NBEA: variants seen among roughly 807,000 people sequenced by gnomAD.
The protein encoded by NBEA is neurobeachin.
In NBEA, 44 loss-of-function variants were observed where a neutral mutation model predicts 343.4. That is an observed-to-expected ratio of 0.13 (90% CI 0.10 to 0.16). The LOEUF (loss-of-function observed/expected upper bound fraction) is 0.16, where lower values mean the gene tolerates loss of function less well. Among genes scored for constraint, NBEA ranks in the 10% least tolerant of loss-of-function variants. NBEA has a pLI of 1.00. For missense variants in NBEA, 2,555 were observed against 3,631.3 expected (o/e 0.70, Z 7.62); for synonymous variants, 1,175 against 1,238.7 (o/e 0.95, Z 1.08).
At chr13:35,140,926 T>C (rs539795166) in intron 17 of NBEA, among the ~76,000 whole-genome samples, 1 of 152,316 alleles carries the variant, frequency 6.6e-6, no homozygotes, top group South Asian at 2.1e-4. Flanking sequence ...TCTCCCACCT[T>C]GTAGCTCCAT....
intron 11 of NBEA, among the ~76,000 whole-genome samples, chr13:35,099,334 A>G (rs1335037553): frequency 6.7e-6 from 1 of 149,878 alleles, no homozygotes; most frequent in Non-Finnish European, 1.5e-5. Context: ...AGGTAGCTGG[A>G]ACTACAGGCG....
At chr13:35,146,558 T>G (rs1318792580) in intron 18 of NBEA, among the ~76,000 whole-genome samples, 3 of 152,116 alleles carry the variant, frequency 2.0e-5, no homozygotes, top group Non-Finnish European at 4.4e-5. Context: ...CCTTTTCCAG[T>G]GGCCCTCCTG....
At chr13:35,075,789 T>G (rs918000480) in intron 10 of NBEA, among the ~76,000 whole-genome samples, 1 of 152,062 alleles carries the variant, frequency 6.6e-6, no homozygotes, top group South Asian at 2.1e-4. Flanking sequence ...ATATTCTGAT[T>G]AGCACTATTG....
At chr13:35,258,524 C>T (rs1439771492) in intron 34 of NBEA, among the ~76,000 whole-genome samples, 2 of 127,644 alleles carry the variant, frequency 1.6e-5, no homozygotes, top group Admixed American at 8.8e-5. Flanking sequence ...AAAATCTGTT[C>T]TTAATTTACT....
In NBEA at chr13:35,638,878, A is replaced by G. The variant is rs1002926505; in HGVS notation, c.7618-6991A>G. ...TTCACATTCATTTGTTAAGTCAGTT[A>G]TGTAATATCACCATTATAATTCAAC... is the stretch of plus-strand genomic sequence containing the variant. On this transcript the variant is annotated intron_variant, in intron 49 of 58. Coordinates refer to ENST00000379939, the MANE Select transcript of NBEA (RefSeq NM_001385012.1). Among the ~76,000 whole-genome samples, 6 of 152,342 alleles carry G rather than the reference A, an allele frequency of 3.9e-5. No homozygotes were observed. The South Asian group carries it at 8.3e-4, about 21-fold the overall frequency.
intron 17 of NBEA, among the ~76,000 whole-genome samples, chr13:35,134,672 T>C (rs948612813): frequency 6.6e-6 from 1 of 152,016 alleles, no homozygotes; most frequent in Admixed American, 6.6e-5. Flanking sequence ...TTTGTACTTA[T>C]ATTACAACAT....
At chr13:34,998,622 T>C (rs963694570) in intron 1 of NBEA, among the ~76,000 whole-genome samples, 8 of 152,222 alleles carry the variant, frequency 5.3e-5, no homozygotes, top group Non-Finnish European at 8.8e-5. Context: ...CCATTTGCTT[T>C]TGAAAGAAGA....
At chr13:34,958,870 A>G (rs1332362033) in intron 1 of NBEA, among the ~76,000 whole-genome samples, 1 of 152,174 alleles carries the variant, frequency 6.6e-6, no homozygotes, top group East Asian at 1.9e-4. Context: ...GATACAGTTC[A>G]GTATTCTAAG....
At chr13:35,475,004 A>G in intron 41 of NBEA, 3 of 1,550,808 alleles carry the variant, frequency 1.9e-6, no homozygotes, top group Non-Finnish European at 2.6e-6. Flanking sequence ...AGAAGTTTAC[A>G]CTTAATAAGG....
intron 38 of NBEA, among the ~76,000 whole-genome samples, chr13:35,379,235 T>C (rs966267562): frequency 2.0e-5 from 3 of 152,146 alleles, no homozygotes; most frequent in Admixed American, 6.6e-5. Flanking sequence ...ACATTTTCTG[T>C]GATTTTCATT....
chr13:35,646,154 C>T, intron 50 of NBEA, 105 bp from the exon 51 acceptor site: 1 of 926,142 alleles, frequency 1.1e-6, no homozygotes, highest in African/African-American at 1.7e-5. Context: ...ATTTTCTGGA[C>T]TTTTTTTCAT....
intron 36 of NBEA, among the ~76,000 whole-genome samples, chr13:35,337,093 A>G (rs2039306910): frequency 6.6e-6 from 1 of 152,162 alleles, no homozygotes. Flanking sequence ...AAGGCAAGAA[A>G]TGGAAGAAGA....
At chr13:35,352,075 A>T (rs2040227077) in intron 37 of NBEA, 82 bp from the exon 38 acceptor site, 1 of 825,138 alleles carries the variant, frequency 1.2e-6, no homozygotes, top group East Asian at 3.4e-5. Flanking sequence ...AATTCCTGTT[A>T]CCGTTTAACT....
At chr13:34,986,975 C>G (rs998753852) in intron 1 of NBEA, among the ~76,000 whole-genome samples, 1 of 150,874 alleles carries the variant, frequency 6.6e-6, no homozygotes, top group Admixed American at 6.6e-5. Flanking sequence ...ATTTGCCAGT[C>G]TGTGTCTTTT....
chr13:35,224,036 A>C (rs9315334), intron 33 of NBEA, among the ~76,000 whole-genome samples: 1 of 152,054 alleles, frequency 6.6e-6, no homozygotes, highest in African/African-American at 2.4e-5. Flanking sequence ...CGCCTTGCGC[A>C]TGGCCTCCTA....
intron 38 of NBEA, among the ~76,000 whole-genome samples, chr13:35,412,989 A>G (rs1344461755): frequency 6.6e-6 from 1 of 152,170 alleles, no homozygotes; most frequent in Non-Finnish European, 1.5e-5. Flanking sequence ...TATGTGTACA[A>G]TATTTAGAAA....
At chr13:35,035,273 C>A (rs183950063) in intron 1 of NBEA, among the ~76,000 whole-genome samples, 1 of 151,826 alleles carries the variant, frequency 6.6e-6, no homozygotes, top group Non-Finnish European at 1.5e-5. Flanking sequence ...TTCATTGACC[C>A]GCTTGTCATT....
At chr13:34,991,750 T>G (rs1259002044) in intron 1 of NBEA, among the ~76,000 whole-genome samples, 3 of 152,246 alleles carry the variant, frequency 2.0e-5, no homozygotes, top group Admixed American at 1.3e-4. Flanking sequence ...CCATTTCTTT[T>G]ACTTTTTGTT....
chr13:35,001,598 T>C (rs1408600730), intron 1 of NBEA, among the ~76,000 whole-genome samples: 1 of 152,100 alleles, frequency 6.6e-6, no homozygotes. Flanking sequence ...ATGTTCTCAC[T>C]CATATGTGGA....
Sources: allele counts gnomAD v4.1 joint callset (sites outside exome capture counted in the v4.1 genomes callset), GRCh38; gene constraint gnomAD v4.1.1; transcripts MANE v1.5; gene names NCBI Gene and HGNC (gene_info 2026-07-23, HGNC 2026-07-21).